FGF5: variants seen among roughly 807,000 people sequenced by gnomAD.
The protein encoded by FGF5 is fibroblast growth factor 5.
A neutral mutation model predicts 21.8 loss-of-function variants in FGF5; 23 were observed. The ratio of observed to expected loss-of-function variants is 1.05; its 90% CI spans 0.76 to 1.49. The LOEUF (loss-of-function observed/expected upper bound fraction) is 1.49. Ranked by LOEUF, FGF5 falls within the 40% of genes most tolerant of loss-of-function variation. The pLI is 0.00. For synonymous variants in FGF5, 158 were observed against 124.0 expected, an observed-to-expected ratio of 1.27 and a Z score of -1.82; for missense variants, 352 against 332.9, an observed-to-expected ratio of 1.06 and a Z score of -0.45.
At chr4:80,270,861 A>C (rs1231244174) in intron 1 of FGF5, among the ~76,000 whole-genome samples, 1 of 152,220 alleles carries the variant, frequency 6.6e-6, no homozygotes, top group African/African-American at 2.4e-5. Context: ...TAAATTCACT[A>C]CCAATTTTGG....
chr4:80,283,203 T>A (rs1367660837), intron 2 of FGF5, among the ~76,000 whole-genome samples: 1 of 152,212 alleles, frequency 6.6e-6, no homozygotes, highest in African/African-American at 2.4e-5. Flanking sequence ...CTGCGTTTAC[T>A]CCCGTATTAA....
chr4:80,275,511 C>A (rs1720385754), intron 2 of FGF5, among the ~76,000 whole-genome samples: 1 of 151,888 alleles, frequency 6.6e-6, no homozygotes, highest in African/African-American at 2.4e-5. Flanking sequence ...CTTTCATAGA[C>A]AAATTTTATT....
Position 80,286,532 on chromosome 4 carries a change from G to GAGC in FGF5, c.671_673dup (p.Gln224dup), listed in dbSNP as rs34623167. On this transcript the variant is annotated inframe_insertion, in exon 3 of 3. Coordinates refer to ENST00000312465, the MANE Select transcript of FGF5 (RefSeq NM_004464.4). The stretch of plus-strand genomic sequence containing the variant: ...TTTTCTGCCAAGATTCAAGCAGTCG[G>GAGC]AGCAGCCAGAACTTTCTTTCACGGT... The GAGC allele has an allele frequency of 0.016, 25,230 of 1,613,968 alleles. 341 individuals are homozygous for GAGC. Among genetic ancestry groups the GAGC allele is most frequent in the South Asian group, 0.044 (3,985 of 91,076 alleles).
chr4:80,276,608 CACCGT>C (rs1720418327), intron 2 of FGF5, among the ~76,000 whole-genome samples: 1 of 151,846 alleles, frequency 6.6e-6, no homozygotes, highest in Non-Finnish European at 1.5e-5. Flanking sequence ...CAGTAGTGTA[CACCGT>C]ACCCAATGTG....
At chr4:80,280,374 CA>C (rs562311550) in intron 2 of FGF5, among the ~76,000 whole-genome samples, 161 of 152,268 alleles carry the variant, frequency 1.1e-3, no homozygotes, top group Non-Finnish European at 2.0e-3. Context: ...TCCATTTTAG[CA>C]GAAAGTGAGA....
chr4:80,268,937 T>A (rs962670235), intron 1 of FGF5, among the ~76,000 whole-genome samples: 3 of 152,240 alleles, frequency 2.0e-5, no homozygotes, highest in African/African-American at 7.2e-5. Flanking sequence ...ATCAGTAACA[T>A]CTATTTATTT....
At chr4:80,273,842 G>A (rs1025914259) in intron 1 of FGF5, among the ~76,000 whole-genome samples, 14 of 151,976 alleles carry the variant, frequency 9.2e-5, no homozygotes, top group African/African-American at 3.4e-4. Context: ...ACTGCACCTG[G>A]CTTCCCTTTT....
chr4:80,284,780 T>A (rs1258954067), intron 2 of FGF5, among the ~76,000 whole-genome samples: 1 of 152,210 alleles, frequency 6.6e-6, no homozygotes, highest in Non-Finnish European at 1.5e-5. Flanking sequence ...ATTTTTAGAT[T>A]TCTGTGTTAT....
intron 2 of FGF5, among the ~76,000 whole-genome samples, chr4:80,282,251 C>G (rs961329979): frequency 6.6e-6 from 1 of 152,146 alleles, no homozygotes; most frequent in South Asian, 2.1e-4. Context: ...TGTGAGCCAC[C>G]GTACCCAGCA....
At chr4:80,277,303 T>C (rs1720440197) in intron 2 of FGF5, among the ~76,000 whole-genome samples, 1 of 152,172 alleles carries the variant, frequency 6.6e-6, no homozygotes, top group Non-Finnish European at 1.5e-5. Context: ...CTCTTTGATA[T>C]AAAAGTCATT....
chr4:80,267,542 C>G (rs1182297309), intron 1 of FGF5, among the ~76,000 whole-genome samples: 2 of 152,200 alleles, frequency 1.3e-5, no homozygotes, highest in Non-Finnish European at 2.9e-5. Context: ...TGCTTATGAA[C>G]TAGCCTGGCA....
At chr4:80,268,472 C>A (rs1720165876) in intron 1 of FGF5, 1 of 985,838 alleles carries the variant, frequency 1.0e-6, no homozygotes. Flanking sequence ...CATTGGGCTC[C>A]TTCTTACACA....
chr4:80,275,042 G>A (rs1247292025), intron 2 of FGF5, 30 bp downstream of exon 2: 1 of 926,430 alleles, frequency 1.1e-6, no homozygotes, highest in Non-Finnish European at 1.7e-6. Context: ...ATTTGTTAAA[G>A]GTGCTATAAA....
chr4:80,272,856 A>G (rs919458037), intron 1 of FGF5, among the ~76,000 whole-genome samples: 9 of 152,110 alleles, frequency 5.9e-5, no homozygotes, highest in African/African-American at 7.2e-5. Context: ...ACATGTTTAC[A>G]TAAATATTCA....
chr4:80,281,282 T>G (rs1720546212), intron 2 of FGF5, among the ~76,000 whole-genome samples: 1 of 151,980 alleles, frequency 6.6e-6, no homozygotes, highest in South Asian at 2.1e-4. Context: ...AGGGAAGGGA[T>G]GGGAACCAAG....
At chr4:80,267,399 G>T (rs1483802592) in intron 1 of FGF5, among the ~76,000 whole-genome samples, 1 of 152,198 alleles carries the variant, frequency 6.6e-6, no homozygotes, top group Admixed American at 6.5e-5. Flanking sequence ...GATTTCTCAG[G>T]TGTATGTTAC....
intron 2 of FGF5, among the ~76,000 whole-genome samples, chr4:80,275,717 A>G (rs1272642833): frequency 6.6e-6 from 1 of 152,084 alleles, no homozygotes; most frequent in Non-Finnish European, 1.5e-5. Context: ...CATTTTAAAG[A>G]TAATAAAATA....
intron 2 of FGF5, among the ~76,000 whole-genome samples, chr4:80,277,401 C>G (rs1311577396): frequency 6.6e-6 from 1 of 152,088 alleles, no homozygotes; most frequent in Non-Finnish European, 1.5e-5. Context: ...AGCCCACTTT[C>G]TCTTATCTGA....
At chr4:80,280,086 T>C (rs915372109) in intron 2 of FGF5, among the ~76,000 whole-genome samples, 2 of 152,196 alleles carry the variant, frequency 1.3e-5, no homozygotes, top group Non-Finnish European at 2.9e-5. Context: ...GTAATACTTA[T>C]CATCCTCATC....
Sources: allele counts gnomAD v4.1 joint callset (sites outside exome capture counted in the v4.1 genomes callset), GRCh38; gene constraint gnomAD v4.1.1; transcripts MANE v1.5; gene names NCBI Gene and HGNC (gene_info 2026-07-23, HGNC 2026-07-21).